MUC3A: variants seen among roughly 807,000 people sequenced by gnomAD.
The protein encoded by MUC3A is mucin 3A, cell surface associated, also known as mucin-3A.
A neutral mutation model predicts 109.0 loss-of-function variants in MUC3A; 109 were observed. That is an observed-to-expected ratio of 1.00 (90% CI 0.86 to 1.17). The LOEUF is 1.17. MUC3A is among the 50% of genes most tolerant of loss of function. The pLI is 0.00. For synonymous variants in MUC3A, 1,398 were observed against 981.4 expected (o/e 1.42, Z -7.93); for missense variants, 3,537 against 2,469.4 (o/e 1.43, Z -9.16).
chr7:100,963,615 G>C, intron 4 of MUC3A, 73 bp from the exon 5 acceptor site: 2 of 1,595,652 alleles, frequency 1.3e-6, no homozygotes, highest in African/African-American at 1.3e-5. Context: ...CTTCCCTGGA[G>C]CTGGGGTTGG....
At chr7:100,966,354 T>C in intron 8 of MUC3A, 32 bp from the exon 9 acceptor site, 1 of 1,304,388 alleles carries the variant, frequency 7.7e-7, no homozygotes, top group South Asian at 3.1e-5. Context: ...AGCCCGGAGG[T>C]GAAGAGGGTC....
At position 100,965,884 on chromosome 7, in the gene MUC3A, A is replaced by G; in HGVS notation, c.9611+18A>G. Reference sequence around the variant, plus strand: ...ACGTGTCGGTAAGGCCCCGCTCACCATCGGCATCAGCCGAGCCCCTCCCAC... The same window carrying G: ...ACGTGTCGGTAAGGCCCCGCTCACCGTCGGCATCAGCCGAGCCCCTCCCAC... On this transcript the variant is annotated intron_variant, in intron 8 of 11. Coordinates refer to ENST00000379458, the MANE Select transcript of MUC3A (RefSeq NM_005960.2). 3 of 1,581,426 alleles carry G rather than the reference A, an allele frequency of 1.9e-6. No individual in the cohort carries two copies. The highest frequency in any genetic ancestry group is 1.7e-4 in the Middle Eastern group (1 of 5,970).
In MUC3A at chr7:100,958,386, C is replaced by A; in HGVS notation, c.6607C>A (p.Pro2203Thr). The change falls in exon 2 of 12, where the codon CCC becomes ACC. Residue 2203 changes from proline to threonine, a missense_variant. Pro to Thr is a conservative substitution (Grantham distance 38). Coordinates refer to ENST00000379458, the MANE Select transcript of MUC3A (RefSeq NM_005960.2). ...TITETTSHST[P>T]SYITSITTTE... The stretch of plus-strand genomic sequence containing the variant: ...CACTGAGACCACCTCACACAGTACT[C>A]CCAGCTACATTACCTCAATCACCAC... The A allele has an allele frequency of 9.9e-7, 1 of 1,011,336 alleles. No homozygotes were observed. Among genetic ancestry groups the A allele is most frequent in the Non-Finnish European group, 1.4e-6 (1 of 723,862 alleles). 62.6% of individuals were successfully genotyped at this position (1,011,336 alleles called of 1,614,324 possible).
chr7:100,952,929 A>T lies in MUC3A; in HGVS notation c.1150A>T (p.Met384Leu). 1.3e-6 allele frequency: 2 copies of T among 1,591,732 alleles called. No individual in the cohort carries two copies. The highest frequency in any genetic ancestry group is 1.7e-6 in the Non-Finnish European group (2 of 1,176,602). ...AACCACAGAAACAGCCACGACTCCT[A>T]TGACAAACTTGGTAACCACCACCAC... ...LPTTETATTP[M>L]TNLVTTTTEI... is the part of the protein sequence containing the mutation. The change falls in exon 2 of 12, where the codon ATG (methionine) becomes TTG (leucine). Residue 384 changes from methionine to leucine, a missense_variant. By Grantham distance (15) the Met-to-Leu change is conservative. Coordinates refer to ENST00000379458, the MANE Select transcript of MUC3A (RefSeq NM_005960.2).
intron 6 of MUC3A, 170 bp from the exon 7 acceptor site, chr7:100,965,111 GC>G: frequency 9.4e-7 from 1 of 1,065,042 alleles, no homozygotes; most frequent in Non-Finnish European, 1.3e-6. Flanking sequence ...GGGAGATGAG[GC>G]AGGCAACAGG....
chr7:100,960,794 C>T lies in MUC3A; in HGVS notation c.8909C>T (p.Ala2970Val), dbSNP rs2116205151. 1.3e-6 allele frequency: 2 copies of T among 1,598,518 alleles called. No homozygotes were observed. Among genetic ancestry groups the T allele is most frequent in the Non-Finnish European group, 1.7e-6 (2 of 1,179,808 alleles). ...GGCACCTGGGAACAGGGCCAGTGTG[C>T]TTGCCTTCCGGGGTTTTCTGGGGAC... Reference protein sequence around the residue: ...NGGTWEQGQCACLPGFSGDRC... With the variant: ...NGGTWEQGQCVCLPGFSGDRC... The change falls in exon 3 of 12, where the codon GCT becomes GTT. Residue 2970 changes from alanine (A) to valine (V), a missense_variant. Physicochemically the swap from Ala to Val is moderately conservative, Grantham distance 64. Transcript: ENST00000379458.
rs1248079754 is a variant in MUC3A, at chr7:100,956,636, C to G, written c.4857C>G (p.Val1619=). The change falls in exon 2 of 12, where the codon GTC becomes GTG. Residue 1619 remains valine, a synonymous_variant. Transcript: ENST00000379458. ...GTGTCATTCCTTCATCTCCCACTGT[C>G]CAGAATACAGAAACCTCAATCTTTG... The part of the protein sequence containing the change: ...PTSVIPSSPT[V]QNTETSIFVS... 2 of 417,808 alleles carry G rather than the reference C, an allele frequency of 4.8e-6. No homozygotes were observed. Among genetic ancestry groups the G allele is most frequent in the East Asian group, 7.0e-5 (2 of 28,432 alleles). 25.9% of individuals were successfully genotyped at this position (417,808 alleles called of 1,614,324 possible).
chr7:100,958,395 A>AT lies in MUC3A; in HGVS notation c.6618dup (p.Thr2207TyrfsTer24). 7.4e-7 allele frequency: 1 copy of AT among 1,342,678 alleles called. No homozygotes were observed. Among genetic ancestry groups the AT allele is most frequent in the Middle Eastern group, 1.8e-4 (1 of 5,466 alleles). The allele number at this position is 1,342,678 out of a possible 1,614,324, so 83.2% of individuals were successfully genotyped here. ...CACCTCACACAGTACTCCCAGCTAC[A>AT]TTACCTCAATCACCACCACCGAGAC... On this transcript the variant is annotated frameshift_variant, in exon 2 of 12. Transcript: ENST00000379458. LOFTEE classifies it high-confidence loss of function.
At chr7:100,962,900 G>A (rs1373748791) in intron 3 of MUC3A, among the ~76,000 whole-genome samples, 1 of 152,258 alleles carries the variant, frequency 6.6e-6, no homozygotes, top group East Asian at 1.9e-4. Context: ...CTGTGGCCCA[G>A]GCTGGAGTGC....
At position 100,952,622 on chromosome 7, in the gene MUC3A, C is replaced by A. The variant is rs745915730; in HGVS notation, c.843C>A (p.Ala281=). Residue 281 remains alanine, a synonymous_variant, in exon 2 of 12, where the codon GCC becomes GCA. Transcript: ENST00000379458. The part of the protein sequence containing the change: ...SMTTTASQPT[A]TNTLSSPTRT... Reference sequence around the variant, plus strand: ...CAACGACCGCCTCCCAGCCCACAGCCACTAATACATTGTCATCACCCACTA... The same window carrying A: ...CAACGACCGCCTCCCAGCCCACAGCAACTAATACATTGTCATCACCCACTA... 3 of 1,598,602 alleles carry A rather than the reference C, an allele frequency of 1.9e-6. No individual in the cohort carries two copies. Among genetic ancestry groups the A allele is most frequent in the Non-Finnish European group, 2.5e-6 (3 of 1,179,820 alleles).
intron 5 of MUC3A, 121 bp from the exon 6 acceptor site, chr7:100,964,574 C>A: frequency 2.1e-6 from 3 of 1,430,636 alleles, no homozygotes; most frequent in South Asian, 1.5e-5. Context: ...ACGTGGCATC[C>A]CAACTCATGA....
Position 100,957,931 on chromosome 7 carries a change from C to T in MUC3A, c.6152C>T (p.Thr2051Ile). 2 of 486,798 alleles carry T rather than the reference C, an allele frequency of 4.1e-6. No homozygotes were observed. Among genetic ancestry groups the T allele is most frequent in the East Asian group, 3.2e-5 (1 of 31,314 alleles). 30.2% of individuals were successfully genotyped at this position (486,798 alleles called of 1,614,324 possible). ...TTCACTTCTTCGATCACCACCGAGA[C>T]CACATCCCACAGTACTCCCAGCTTC... ...PSFTSSITTE[T>I]TSHSTPSFTS... is the part of the protein sequence containing the mutation. Residue 2051 changes from threonine (T) to isoleucine (I), a missense_variant, in exon 2 of 12, where the codon ACC (threonine) becomes ATC (isoleucine). Coordinates refer to ENST00000379458, the MANE Select transcript of MUC3A (RefSeq NM_005960.2).
At position 100,949,638 on chromosome 7, in the gene MUC3A, G is replaced by T; in HGVS notation, c.14G>T (p.Gly5Val). ...CCCGCTGGGCCCATGCAGCTGTTGG[G>T]GCTCCTCGGCCTCCTCTGGATGCTC... MQLL[G>V]LLGLLWMLKA... Residue 5 changes from glycine to valine, a missense_variant, in exon 1 of 12, where the codon GGG (glycine) becomes GTG (valine). Physicochemically the swap from Gly to Val is moderately radical, Grantham distance 109 (BLOSUM62 -3). Transcript: ENST00000379458. 1 of 1,555,690 alleles carries T rather than the reference G, an allele frequency of 6.4e-7. No homozygotes were observed.
rs755014766 is a variant in MUC3A, at chr7:100,959,906, T to G, written c.8127T>G (p.Ser2709=). 15 of 1,528,534 alleles carry G rather than the reference T, an allele frequency of 9.8e-6. No individual in the cohort carries two copies. The highest frequency in any genetic ancestry group is 1.2e-5 in the Non-Finnish European group (14 of 1,148,118). 94.7% of individuals were successfully genotyped at this position (1,528,534 alleles called of 1,614,324 possible). Residue 2709 remains serine (S), a synonymous_variant, in exon 2 of 12, where the codon TCT becomes TCG. Coordinates refer to ENST00000379458, the MANE Select transcript of MUC3A (RefSeq NM_005960.2). ...ITPVFSTTIH[S]VPSSPYIFST... is the part of the protein sequence containing the mutation. ...CAGTGTTTTCCACTACCATTCATTC[T>G]GTTCCTTCTTCACCATACATTTTCA...
At chr7:100,967,094 T>TC in intron 11 of MUC3A, 27 bp from the exon 12 acceptor site, 3 of 1,598,548 alleles carry the variant, frequency 1.9e-6, no homozygotes, top group Non-Finnish European at 2.5e-6. Context: ...GGCTCCGCGT[T>TC]CCCGTCCCTC....
chr7:100,966,176 A>T (rs76915323), intron 8 of MUC3A: 1 of 311,034 alleles, frequency 3.2e-6, no homozygotes, highest in Non-Finnish European at 4.6e-6. Flanking sequence ...AGCCCTGCCC[A>T]CTTGATCTAA....
chr7:100,964,426 C>G, intron 5 of MUC3A: 1 of 505,806 alleles, frequency 2.0e-6, no homozygotes, highest in Non-Finnish European at 3.3e-6. Flanking sequence ...TACCACTGCA[C>G]TCCAGCCTGG....
Position 100,968,067 on chromosome 7 carries a change from G to C in MUC3A, c.*905G>C, listed in dbSNP as rs1011671612. ...CTGGAGCCCTGCGGGTGGGGGCAGGGCATGAGTTCCCCAGTCCCCAAGGAA... is the reference window on the plus strand; with the variant it reads ...CTGGAGCCCTGCGGGTGGGGGCAGGCCATGAGTTCCCCAGTCCCCAAGGAA... On this transcript the variant is annotated 3_prime_UTR_variant, in exon 12 of 12. Transcript: ENST00000379458. 4 of 139,402 alleles carry C rather than the reference G, an allele frequency of 2.9e-5. No homozygotes were observed. Among genetic ancestry groups the C allele is most frequent in the African/African-American group, 1.1e-4 (4 of 37,370 alleles). The allele number at this position is 139,402 out of a possible 1,614,324, so 8.6% of individuals were successfully genotyped here.
At position 100,953,734 on chromosome 7, in the gene MUC3A, C is replaced by T; in HGVS notation, c.1955C>T (p.Ser652Phe). Residue 652 changes from serine (S) to phenylalanine (F), a missense_variant, in exon 2 of 12, where the codon TCT (serine) becomes TTT (phenylalanine). Transcript: ENST00000379458. ...GTGACTTCTATGACAACTACGACCT[C>T]TCCTCCCACAACCACCAATTCTTTT... ...NTVTSMTTTT[S>F]PPTTTNSFTS... 1 of 455,810 alleles carries T rather than the reference C, an allele frequency of 2.2e-6. No individual in the cohort carries two copies. The allele number at this position is 455,810 out of a possible 1,614,324, so 28.2% of individuals were successfully genotyped here.
Sources: gnomAD v4.1 joint callset for allele counts (sites outside exome capture counted in the v4.1 genomes callset) on GRCh38, gnomAD v4.1.1 for gene constraint, MANE v1.5 for transcripts, NCBI Gene and HGNC (gene_info 2026-07-23, HGNC 2026-07-21) for gene names.